Variants in CACNA1H observed in about 807,000 individuals in gnomAD.
The protein encoded by CACNA1H is voltage-dependent T-type calcium channel subunit alpha-1H.
CACNA1H carries 149 observed loss-of-function variants against 192.5 expected under a neutral mutation model. The observed-to-expected ratio is 0.77, with a 90% CI of 0.68 to 0.89. The LOEUF is 0.89. Ranked by LOEUF, CACNA1H falls within the 40% of genes least tolerant of loss-of-function variation. The pLI is 0.00. For missense variants in CACNA1H, 4,257 were observed against 3,423.5 expected, an observed-to-expected ratio of 1.24 and a Z score of -6.08; for synonymous variants, 2,202 against 1,475.2, an observed-to-expected ratio of 1.49 and a Z score of -11.29.
chr16:1,197,658 AT>A (rs1967148049), intron 5 of CACNA1H, among the ~76,000 whole-genome samples: 1 of 152,078 alleles, frequency 6.6e-6, no homozygotes, highest in Non-Finnish European at 1.5e-5. Flanking sequence ...GTGCTCACTG[AT>A]TGTCTGCTCC....
chr16:1,209,926 G>C, intron 17 of CACNA1H, 109 bp from the exon 18 acceptor site: 1 of 788,166 alleles, frequency 1.3e-6, no homozygotes, highest in South Asian at 1.6e-5. Flanking sequence ...TGAGGATGGA[G>C]AAGGCTGAGA....
intron 32 of CACNA1H, 64 bp downstream of exon 32, chr16:1,218,104 A>C: frequency 6.4e-7 from 1 of 1,558,854 alleles, no homozygotes; most frequent in Non-Finnish European, 8.7e-7. Context: ...CTCTCCCAGG[A>C]ACGGGTCGGA....
At position 1,213,825 on chromosome 16, in the gene CACNA1H, G is replaced by A. The variant is rs199669141; in HGVS notation, c.4823G>A (p.Arg1608His). The part of the protein sequence containing the change: ...PYYADYSPTR[R>H]SIHSLCTSHY... ...TATGCCGACTACTCGCCCACGCGCC[G>A]CTCCATTCACTCGCTGTGCACCAGC... The change falls in exon 27 of 35, where the codon CGC (arginine) becomes CAC (histidine). Residue 1608 changes from arginine (R) to histidine (H), a missense_variant. Physicochemically the swap from Arg to His is conservative, Grantham distance 29. Coordinates refer to ENST00000348261, the MANE Select transcript of CACNA1H (RefSeq NM_021098.3). 18 of 1,591,132 alleles carry A rather than the reference G, an allele frequency of 1.1e-5. No homozygotes were observed. In the Admixed American group the frequency reaches 1.2e-4, roughly 11 times the overall value.
Position 1,211,531 on chromosome 16 carries a change from C to T in CACNA1H, c.4401C>T (p.Ile1467=), listed in dbSNP as rs373686500. The change falls in exon 23 of 35, where the codon ATC becomes ATT. Residue 1467 remains isoleucine (I), a synonymous_variant. Transcript: ENST00000348261. ...YYCEGPDTRN[I]STKAQCRAAH... ...GCGAGGGCCCCGACACCAGGAACAT[C>T]TCCACCAAGGCACAGTGCCGGGCCG... 3.7e-6 allele frequency: 6 copies of T among 1,612,502 alleles called. No individual in the cohort carries two copies. The highest frequency in any genetic ancestry group is 4.2e-6 in the Non-Finnish European group (5 of 1,179,724).
intron 32 of CACNA1H, 43 bp downstream of exon 32, chr16:1,218,083 G>C (rs376642955): frequency 1.3e-6 from 2 of 1,578,434 alleles, no homozygotes; most frequent in South Asian, 1.2e-5. Flanking sequence ...CAGCCCCAGC[G>C]GTTTTTCAGG....
At chr16:1,208,277 C>A (rs1968994607) in intron 16 of CACNA1H, 56 bp downstream of exon 16, 5 of 1,261,628 alleles carry the variant, frequency 4.0e-6, no homozygotes, top group Non-Finnish European at 5.6e-6. Flanking sequence ...CCCTGCCTGG[C>A]TCCTTATGGC....
Position 1,220,846 on chromosome 16 carries a change from C to G in CACNA1H, c.6914C>G (p.Pro2305Arg). Residue 2305 changes from proline to arginine, a missense_variant, in exon 35 of 35, where the codon CCC (proline) becomes CGC (arginine). Transcript: ENST00000348261. ...TCAGGGGCCATAGTGCCCCTGGAAC[C>G]CCCAGAATCAGAGCCTCCCATGCCC... ...SSSGAIVPLE[P>R]PESEPPMPVG... The G allele has an allele frequency of 6.2e-7, 1 of 1,612,812 alleles. No homozygotes were observed. Among genetic ancestry groups the G allele is most frequent in the South Asian group, 1.1e-5 (1 of 91,086 alleles).
At chr16:1,183,792 G>A (rs540668962) in intron 2 of CACNA1H, among the ~76,000 whole-genome samples, 6 of 152,384 alleles carry the variant, frequency 3.9e-5, no homozygotes, top group South Asian at 4.1e-4. Context: ...GTGACCTGGC[G>A]TGTTGCTCCC....
In CACNA1H at chr16:1,208,513, C is replaced by T. The variant is rs761722038; in HGVS notation, c.3363+292C>T. Among the ~76,000 whole-genome samples, 23 of 152,178 alleles carry T rather than the reference C, an allele frequency of 1.5e-4. No homozygotes were observed. In the East Asian group the frequency reaches 1.7e-3, roughly 11 times the overall value. On this transcript the variant is annotated intron_variant, in intron 16 of 34. Coordinates refer to ENST00000348261, the MANE Select transcript of CACNA1H (RefSeq NM_021098.3). ...AAGCAAGCAGGGGCAGAAGCGTGCC[C>T]GGCAAGCAGACGGCAGGCCAGGCGG...
intron 17 of CACNA1H, 101 bp downstream of exon 17, chr16:1,209,513 C>A: frequency 7.0e-7 from 1 of 1,428,106 alleles, no homozygotes; most frequent in Non-Finnish European, 9.5e-7. Context: ...GTGTTGTTGA[C>A]TGAGGGGATT....
intron 6 of CACNA1H, 122 bp from the exon 7 acceptor site, chr16:1,200,134 A>G (rs1273272270): frequency 1.2e-5 from 9 of 781,928 alleles, no homozygotes; most frequent in Non-Finnish European, 1.8e-5. Context: ...TGATTAGTCC[A>G]CTGGCCCTGA....
chr16:1,171,856 C>G (rs962171824), intron 2 of CACNA1H, among the ~76,000 whole-genome samples: 1 of 152,250 alleles, frequency 6.6e-6, no homozygotes, highest in African/African-American at 2.4e-5. Context: ...CTGTTCTGGG[C>G]TCTTCTCGCC....
rs1329243659 is a variant in CACNA1H, at chr16:1,220,457, C to T, written c.6525C>T (p.Ala2175=). ...PGEAKAWGPE[A]EPALGARRKK... The stretch of plus-strand genomic sequence containing the variant: ...AGGCGAAGGCCTGGGGCCCTGAGGC[C>T]GAGCCCGCTCTGGGTGCGCGCAGAA... Residue 2175 remains alanine (A), a synonymous_variant, in exon 35 of 35, where the codon GCC becomes GCT. Coordinates refer to ENST00000348261, the MANE Select transcript of CACNA1H (RefSeq NM_021098.3). 16 of 1,542,928 alleles carry T rather than the reference C, an allele frequency of 1.0e-5. No individual in the cohort carries two copies. Among genetic ancestry groups the T allele is most frequent in the Non-Finnish European group, 1.4e-5 (16 of 1,153,542 alleles).
In CACNA1H at chr16:1,201,964, G is replaced by A. The variant is rs1025998984; in HGVS notation, c.1514G>A (p.Arg505His). ...VQGQGPGHRQ[R>H]RAGRHTASVH... ...GGCCAGGGTCCCGGGCACCGCCAGC[G>A]CCGGGCAGGCAGGCACACAGCCTCG... Residue 505 changes from arginine (R) to histidine (H), a missense_variant, in exon 9 of 35, where the codon CGC (arginine) becomes CAC (histidine). Arg to His is a conservative substitution (Grantham distance 29). Transcript: ENST00000348261. The A allele has an allele frequency of 7.8e-6, 12 of 1,544,496 alleles. No homozygotes were observed. Among genetic ancestry groups the A allele is most frequent in the African/African-American group, 2.7e-5 (2 of 72,926 alleles).
Position 1,220,333 on chromosome 16 carries a change from G to C in CACNA1H, c.6401G>C (p.Arg2134Thr). The change falls in exon 35 of 35, where the codon AGG becomes ACG. Residue 2134 changes from arginine to threonine, a missense_variant. Physicochemically the swap from Arg to Thr is moderately conservative, Grantham distance 71. Transcript: ENST00000348261. ...GCCGGCGGCGAGCGGGACCTGCGCA[G>C]GCTCTACAGCGTGGATGCTCAGGGC... ...PVAGGERDLR[R>T]LYSVDAQGFL... 1 of 1,554,230 alleles carries C rather than the reference G, an allele frequency of 6.4e-7. No individual in the cohort carries two copies. The highest frequency in any genetic ancestry group is 8.6e-7 in the Non-Finnish European group (1 of 1,157,084).
chr16:1,176,115 A>G (rs1005863826), intron 2 of CACNA1H, among the ~76,000 whole-genome samples: 2 of 152,236 alleles, frequency 1.3e-5, no homozygotes, highest in African/African-American at 2.4e-5. Flanking sequence ...ATTGGCTTGC[A>G]TAATGGCTCA....
Position 1,195,434 on chromosome 16 carries a change from C to A in CACNA1H, c.414C>A (p.Ala138=). 6.4e-7 allele frequency: 1 copy of A among 1,552,824 alleles called. No homozygotes were observed. Among genetic ancestry groups the A allele is most frequent in the Non-Finnish European group, 8.7e-7 (1 of 1,147,674 alleles). The stretch of plus-strand genomic sequence containing the variant: ...CCTCCTGATGCCTCCTCCCGCAGGC[C>A]TTTGACGCCTTCATTTTCGCCTTTT... ...CGSERCNILE[A]FDAFIFAFFA... Residue 138 remains alanine, a splice_region_variant and synonymous_variant, in exon 4 of 35, where the codon GCC becomes GCA. Coordinates refer to ENST00000348261, the MANE Select transcript of CACNA1H (RefSeq NM_021098.3).
At chr16:1,217,218 G>A (rs1228452562) in intron 31 of CACNA1H, among the ~76,000 whole-genome samples, 2 of 152,254 alleles carry the variant, frequency 1.3e-5, no homozygotes, top group African/African-American at 4.8e-5. Flanking sequence ...CATGTGCCCA[G>A]GCTTGTGACA....
At chr16:1,161,889 C>T (rs542977333) in intron 2 of CACNA1H, among the ~76,000 whole-genome samples, 8 of 152,052 alleles carry the variant, frequency 5.3e-5, no homozygotes, top group African/African-American at 9.7e-5. Flanking sequence ...TGGGCCTGGT[C>T]GGACGCGTTA....
Sources: gnomAD v4.1 joint callset for allele counts (sites outside exome capture counted in the v4.1 genomes callset) on GRCh38, gnomAD v4.1.1 for gene constraint, MANE v1.5 for transcripts, NCBI Gene and HGNC (gene_info 2026-07-23, HGNC 2026-07-21) for gene names.